MIPEP: variants seen among roughly 807,000 people sequenced by gnomAD.
The protein encoded by MIPEP is mitochondrial intermediate peptidase.
Under a neutral mutation model 90.3 loss-of-function variants are expected in MIPEP, and 79 were observed. The ratio of observed to expected loss-of-function variants is 0.87; its 90% confidence interval spans 0.73 to 1.05. MIPEP has a LOEUF of 1.05. MIPEP is among the 50% of genes least tolerant of loss of function. MIPEP has a pLI of 0.00. For synonymous variants in MIPEP, 334 were observed against 315.8 expected, an observed-to-expected ratio of 1.06 and a Z score of -0.61; for missense variants, 940 against 905.6, an observed-to-expected ratio of 1.04 and a Z score of -0.49.
rs1004060207 is a variant in MIPEP, at chr13:23,775,589, G to C, written c.1849-15372C>G. On this transcript the variant is annotated intron_variant, in intron 16 of 18. Coordinates refer to ENST00000382172, the MANE Select transcript of MIPEP (RefSeq NM_005932.4). ...ACTGTAAGGCCTTTGGGGTACGTAG[G>C]GTCTATGTGCATATATGTTTTACTT... Among the ~76,000 whole-genome samples, 33 of 152,022 alleles carry C rather than the reference G, an allele frequency of 2.2e-4. 1 individual carries two copies. The highest frequency in any genetic ancestry group is 8.0e-4 in the African/African-American group (33 of 41,348).
intron 10 of MIPEP, among the ~76,000 whole-genome samples, chr13:23,852,516 C>T (rs1045245453): frequency 6.6e-6 from 1 of 152,176 alleles, no homozygotes; most frequent in African/African-American, 2.4e-5. Flanking sequence ...ATTTCTATCA[C>T]CTAGTAACAT....
At chr13:23,875,754 T>C (rs887816327) in intron 4 of MIPEP, among the ~76,000 whole-genome samples, 3 of 152,160 alleles carry the variant, frequency 2.0e-5, no homozygotes, top group Non-Finnish European at 4.4e-5. Flanking sequence ...TGCAGAAACA[T>C]ATGAAACATT....
chr13:23,821,389 A>AT lies in MIPEP; in HGVS notation c.1654-11466dup, dbSNP rs889523821. Among the ~76,000 whole-genome samples, 345 of 151,762 alleles carry AT rather than the reference A, an allele frequency of 2.3e-3. 2 individuals are homozygous for AT. Among genetic ancestry groups the AT allele is most frequent in the African/African-American group, 7.2e-3 (300 of 41,412 alleles). On this transcript the variant is annotated intron_variant, in intron 14 of 18. Transcript: ENST00000382172. ...GTTTCTTTCATAAAAATATCTGCAG[A>AT]TTTTTTTTTGTCACTATAGAATCCC...
chr13:23,887,901 G>A (rs1346420593), intron 1 of MIPEP, among the ~76,000 whole-genome samples: 1 of 152,104 alleles, frequency 6.6e-6, no homozygotes, highest in Non-Finnish European at 1.5e-5. Flanking sequence ...AAAAACAAAT[G>A]TCATCTTTAT....
chr13:23,828,149 TA>T (rs1454944653), intron 14 of MIPEP, among the ~76,000 whole-genome samples: 1 of 152,152 alleles, frequency 6.6e-6, no homozygotes, highest in African/African-American at 2.4e-5. Flanking sequence ...ATTAATGATT[TA>T]AAAAAATAGT....
intron 15 of MIPEP, among the ~76,000 whole-genome samples, chr13:23,806,716 A>ATATCTATCTATCTATC (rs10675933): frequency 5.6e-4 from 82 of 147,254 alleles, no homozygotes; most frequent in Middle Eastern, 3.5e-3. Context: ...AAAAAAATCT[A>ATATCTATCTATCTATC]TATCTATCTA....
At chr13:23,833,627 CAGT>C (rs1342599211) in intron 14 of MIPEP, among the ~76,000 whole-genome samples, 2 of 152,222 alleles carry the variant, frequency 1.3e-5, no homozygotes, top group East Asian at 3.8e-4. Flanking sequence ...ACACTTGGAG[CAGT>C]GACTCCAGCC....
At chr13:23,803,936 A>G (rs1953076929) in intron 16 of MIPEP, among the ~76,000 whole-genome samples, 1 of 152,320 alleles carries the variant, frequency 6.6e-6, no homozygotes, top group East Asian at 1.9e-4. Context: ...AGACCTCTTA[A>G]AACAATTTAC....
rs1431406118 is a variant in MIPEP, at chr13:23,837,720, C to T, written c.1375G>A (p.Glu459Lys). ...ACTGGGAGTTGATAGTCTCCATCTTCCTTTAGTCTGCCTCCACGGATAGTG... is the reference window on the plus strand; with the variant it reads ...ACTGGGAGTTGATAGTCTCCATCTTTCTTTAGTCTGCCTCCACGGATAGTG... ...HFTIRGGRLK[E>K]DGDYQLPVVV... The change falls in exon 13 of 19, where the codon GAA becomes AAA. Residue 459 changes from glutamate to lysine, a missense_variant. Coordinates refer to ENST00000382172, the MANE Select transcript of MIPEP (RefSeq NM_005932.4). 1.9e-6 allele frequency: 3 copies of T among 1,614,014 alleles called. No homozygotes were observed. The highest frequency in any genetic ancestry group is 2.2e-5 in the South Asian group (2 of 91,078).
chr13:23,733,487 G>A (rs1204954665), intron 18 of MIPEP, among the ~76,000 whole-genome samples: 1 of 152,136 alleles, frequency 6.6e-6, no homozygotes. Flanking sequence ...GGAGCAGGGT[G>A]GTGTGGAGAC....
chr13:23,840,979 C>A (rs1869269749), intron 11 of MIPEP, among the ~76,000 whole-genome samples: 1 of 152,146 alleles, frequency 6.6e-6, no homozygotes, highest in Non-Finnish European at 1.5e-5. Context: ...AAAAAGGTCA[C>A]TTATCCAATG....
intron 18 of MIPEP, among the ~76,000 whole-genome samples, chr13:23,753,110 C>T (rs780322407): frequency 5.3e-5 from 8 of 151,852 alleles, no homozygotes; most frequent in Non-Finnish European, 1.2e-4. Flanking sequence ...TGCCTGTGGT[C>T]CCAGCTACTC....
At chr13:23,752,375 T>C (rs898831484) in intron 18 of MIPEP, among the ~76,000 whole-genome samples, 17 of 152,226 alleles carry the variant, frequency 1.1e-4, no homozygotes, top group African/African-American at 4.1e-4. Context: ...CAATTCTGCT[T>C]CCTAGTGGGG....
intron 10 of MIPEP, among the ~76,000 whole-genome samples, chr13:23,854,142 G>A (rs1016542270): frequency 2.7e-4 from 41 of 150,406 alleles, no homozygotes; most frequent in African/African-American, 4.4e-4. Flanking sequence ...TGGCTAACAC[G>A]GTGAAACCTC....
intron 10 of MIPEP, among the ~76,000 whole-genome samples, chr13:23,853,004 AAAG>A (rs1299813045): frequency 1.3e-5 from 2 of 152,254 alleles, no homozygotes; most frequent in African/African-American, 4.8e-5. Context: ...AGGATTAAAA[AAAG>A]AGAAAATATT....
chr13:23,806,141 C>T (rs918254711), intron 15 of MIPEP, 72 bp from the exon 16 acceptor site: 14 of 1,496,250 alleles, frequency 9.4e-6, no homozygotes, highest in Non-Finnish European at 6.5e-6. Context: ...ACCAAAGATG[C>T]TATAAGTGCA....
At chr13:23,785,717 T>G (rs1037203416) in intron 16 of MIPEP, among the ~76,000 whole-genome samples, 3 of 151,464 alleles carry the variant, frequency 2.0e-5, no homozygotes, top group Non-Finnish European at 4.4e-5. Context: ...TATGATAGTA[T>G]GCTAGCAATA....
At chr13:23,887,152 A>G (rs898102837) in intron 1 of MIPEP, among the ~76,000 whole-genome samples, 9 of 152,242 alleles carry the variant, frequency 5.9e-5, no homozygotes, top group Non-Finnish European at 1.5e-5. Context: ...AACATATTAA[A>G]ATCATAGGCT....
chr13:23,816,508 C>A, intron 14 of MIPEP, among the ~76,000 whole-genome samples: 1 of 146,360 alleles, frequency 6.8e-6, no homozygotes, highest in East Asian at 2.0e-4. Context: ...TTATTACCTA[C>A]ATTTGCATTT....
Sources: allele counts gnomAD v4.1 joint callset (sites outside exome capture counted in the v4.1 genomes callset), GRCh38; gene constraint gnomAD v4.1.1; transcripts MANE v1.5; gene names NCBI Gene and HGNC (gene_info 2026-07-23, HGNC 2026-07-21).